Variants in GAREM2 observed in about 807,000 individuals in gnomAD.
The protein encoded by GAREM2 is GRB2-associated and regulator of MAPK protein 2.
GAREM2 carries 30 observed loss-of-function variants against 55.6 expected under a neutral mutation model. The observed-to-expected ratio is 0.54, with a 90% CI of 0.40 to 0.73. The LOEUF is 0.73. Ranked by LOEUF, GAREM2 falls within the 30% of genes least tolerant of loss-of-function variation. The pLI, the probability that GAREM2 is intolerant of heterozygous loss-of-function variation, is 0.00. For synonymous variants in GAREM2, 550 were observed against 569.1 expected, an observed-to-expected ratio of 0.97 and a Z score of 0.48; for missense variants, 1,075 against 1,257.7, an observed-to-expected ratio of 0.85 and a Z score of 2.20.
chr2:26,194,930 G>A, the GAREM2 span, among the ~76,000 whole-genome samples: 1 of 151,876 alleles, frequency 6.6e-6, no homozygotes, highest in Non-Finnish European at 1.5e-5. Flanking sequence ...CCTTGACTCA[G>A]TGGGACAGTC....
the GAREM2 span, chr2:26,194,773 G>A: frequency 1.4e-6 from 1 of 736,286 alleles, no homozygotes; most frequent in Non-Finnish European, 2.5e-6. Context: ...ATCTCAATCA[G>A]AATCCTTAAA....
chr2:26,201,349 G>A, the GAREM2 span: 1 of 1,492,814 alleles, frequency 6.7e-7, no homozygotes, highest in Non-Finnish European at 9.3e-7. Context: ...TAGTTAGATG[G>A]GAAGAAAAGG....
downstream of GAREM2, chr2:26,193,827 A>C: frequency 3.6e-6 from 5 of 1,376,432 alleles, no homozygotes; most frequent in Admixed American, 1.7e-5. Flanking sequence ...AATCCCCCCA[A>C]AGGGCTCCCT....
chr2:26,173,234 C>A lies in GAREM2; in HGVS notation c.14C>A (p.Ala5Glu). The A allele has an allele frequency of 1.5e-6, 2 of 1,322,626 alleles. No individual in the cohort carries two copies. Among genetic ancestry groups the A allele is most frequent in the Non-Finnish European group, 9.7e-7 (1 of 1,033,554 alleles). 81.9% of individuals were successfully genotyped at this position (1,322,626 alleles called of 1,614,324 possible). The change falls in exon 1 of 6, where the codon GCG becomes GAG. Residue 5 changes from alanine (A) to glutamate (E), a missense_variant. By Grantham distance (107) the Ala-to-Glu change is moderately radical. Transcript: ENST00000401533. MEKLAAGLAGLRWSM... is the reference protein window; with the variant it reads MEKLEAGLAGLRWSM... ...GGCGCCCATGCCATGGAGAAGCTGG[C>A]GGCCGGGCTGGCCGGCCTGCGCTGG...
In GAREM2 at chr2:26,185,227, G is replaced by C; in HGVS notation, c.1379G>C (p.Arg460Pro). 6.6e-7 allele frequency: 1 copy of C among 1,521,422 alleles called. No individual in the cohort carries two copies. The highest frequency in any genetic ancestry group is 8.8e-7 in the Non-Finnish European group (1 of 1,141,344). The allele number at this position is 1,521,422 out of a possible 1,614,324, so 94.2% of individuals were successfully genotyped here. A position where few individuals can be genotyped will look rare whatever the true frequency, so the allele number is the denominator to read the frequency against. The change falls in exon 4 of 6, where the codon CGT (arginine) becomes CCT (proline). Residue 460 changes from arginine to proline, a missense_variant. By Grantham distance (103) the Arg-to-Pro change is moderately radical (BLOSUM62 -2). This residue lies in a region of GAREM2 where 515 missense variants were observed against 501.5 expected (regional missense o/e 1.03). Coordinates refer to ENST00000401533, the MANE Select transcript of GAREM2 (RefSeq NM_001168241.2). The stretch of plus-strand genomic sequence containing the variant: ...TCCTTCGGGGCCGCGGGACCGCCGC[G>C]TCGGGAGCCGGAAGCGCCGCCGCCT... Reference protein sequence around the residue: ...LISFGAAGPPRREPEAPPPPV... With the variant: ...LISFGAAGPPPREPEAPPPPV...
At chr2:26,182,088 G>C in intron 2 of GAREM2, 1 of 1,067,544 alleles carries the variant, frequency 9.4e-7, no homozygotes, top group Non-Finnish European at 1.1e-6. Flanking sequence ...CCATCCATCA[G>C]ATGCCAGGGC....
chr2:26,183,116 A>G lies in GAREM2; in HGVS notation c.384+19A>G, dbSNP rs10779956. 0.79 allele frequency: 1,231,323 copies of G among 1,550,694 alleles called. 490,840 individuals are homozygous for G. The highest frequency in any genetic ancestry group is 0.95 in the African/African-American group (69,735 of 73,122). On this transcript the variant is annotated intron_variant, in intron 3 of 5. Coordinates refer to ENST00000401533, the MANE Select transcript of GAREM2 (RefSeq NM_001168241.2). ...CGTCAAGGTCAGTCACTCCCTCACC[A>G]GGTGTGGTGTCCCCACACTACTCCT...
rs889575256 is a variant in GAREM2 at position 26,184,089 on chromosome 2, C to T, written c.385-144C>T. 1.8e-5 allele frequency: 23 copies of T among 1,264,766 alleles called. No individual in the cohort carries two copies. In the Admixed American group the frequency reaches 1.9e-4, roughly 10 times the overall value. 78.3% of individuals were successfully genotyped at this position (1,264,766 alleles called of 1,614,324 possible). A position where few individuals can be genotyped will look rare whatever the true frequency, so the allele number is the denominator to read the frequency against. ...CTGCTAGTGGTCTCTCCAGGATGAACGTGGATCTCCTGGCCTACCATCTAG... is the reference window on the plus strand; with the variant it reads ...CTGCTAGTGGTCTCTCCAGGATGAATGTGGATCTCCTGGCCTACCATCTAG... On this transcript the variant is annotated intron_variant, in intron 3 of 5. Coordinates refer to ENST00000401533, the MANE Select transcript of GAREM2 (RefSeq NM_001168241.2).
chr2:26,178,133 C>T (rs1668922739), intron 2 of GAREM2, among the ~76,000 whole-genome samples: 1 of 152,194 alleles, frequency 6.6e-6, no homozygotes, highest in South Asian at 2.1e-4. Context: ...ACCCCCCAAA[C>T]CCTTAAAAGA....
At chr2:26,178,398 C>T (rs1476095154) in intron 2 of GAREM2, among the ~76,000 whole-genome samples, 2 of 101,574 alleles carry the variant, frequency 2.0e-5, no homozygotes, top group East Asian at 6.2e-4. Context: ...CAAACAAAAA[C>T]AAAAACAAAC....
At chr2:26,191,540 G>A (rs1458271689), downstream of GAREM2, 8 of 1,614,156 alleles carry the variant, frequency 5.0e-6, no homozygotes, top group Non-Finnish European at 6.8e-6. Context: ...CCCTCTGCAG[G>A]TGTGGCCAAG....
intron 2 of GAREM2, among the ~76,000 whole-genome samples, chr2:26,178,184 A>G (rs912145754): frequency 2.0e-5 from 3 of 152,236 alleles, no homozygotes; most frequent in Non-Finnish European, 2.9e-5. Context: ...CTGGGGTTCT[A>G]TCTTGGGCTT....
the GAREM2 span, among the ~76,000 whole-genome samples, chr2:26,201,541 C>T: frequency 6.6e-6 from 1 of 152,110 alleles, no homozygotes; most frequent in Non-Finnish European, 1.5e-5. Flanking sequence ...ATGTTAACTC[C>T]CAAGTACACA....
At chr2:26,182,830 C>G (rs1669096831) in intron 2 of GAREM2, 137 bp from the exon 3 acceptor site, 2 of 1,089,100 alleles carry the variant, frequency 1.8e-6, no homozygotes, top group East Asian at 5.2e-5. Flanking sequence ...CCAGTGGAAA[C>G]CTGCCCTTTG....
Position 26,184,235 on chromosome 2 carries a change from G to GGT in GAREM2, c.390_391dup (p.Ser131CysfsTer90). 6.5e-7 allele frequency: 1 copy of GGT among 1,549,804 alleles called. No individual in the cohort carries two copies. Among genetic ancestry groups the GGT allele is most frequent in the Non-Finnish European group, 8.7e-7 (1 of 1,145,958 alleles). ...TGCCCTGTCTCTGGGATCCCCAGGT[G>GGT]GTGTCGGGCGAGTTCAGCGAGGACA... On this transcript the variant is annotated frameshift_variant, in exon 4 of 6. Coordinates refer to ENST00000401533, the MANE Select transcript of GAREM2 (RefSeq NM_001168241.2). LOFTEE classifies it high-confidence loss of function.
Position 26,188,095 on chromosome 2 carries a change from C to A in GAREM2, c.2463C>A (p.Ile821=), listed in dbSNP as rs1358391071. The A allele has an allele frequency of 1.3e-6, 2 of 1,550,308 alleles. No individual in the cohort carries two copies. Among genetic ancestry groups the A allele is most frequent in the Non-Finnish European group, 1.7e-6 (2 of 1,146,248 alleles). ...AGGTCTCTCGCAGTCTGCGTTTCAT[C>A]GGGCTCTCAGAGGATGTGGTGAGCT... The part of the protein sequence containing the change: ...LEEVSRSLRF[I]GLSEDVVSFF... Residue 821 remains isoleucine (I), a synonymous_variant, in exon 6 of 6, where the codon ATC becomes ATA. Coordinates refer to ENST00000401533, the MANE Select transcript of GAREM2 (RefSeq NM_001168241.2).
the GAREM2 span, chr2:26,204,077 T>G: frequency 6.2e-7 from 1 of 1,614,062 alleles, no homozygotes; most frequent in Admixed American, 1.7e-5. Flanking sequence ...GAACACTTGT[T>G]GCTGTCCTCG....
downstream of GAREM2, among the ~76,000 whole-genome samples, chr2:26,193,230 G>T (rs1416444412): frequency 6.6e-6 from 1 of 151,612 alleles, no homozygotes; most frequent in African/African-American, 2.4e-5. Flanking sequence ...AGCCCCAGAA[G>T]GGTAGAACTC....
chr2:26,185,303 C>T (rs1669212328), intron 4 of GAREM2, 27 bp downstream of exon 4: 4 of 1,486,040 alleles, frequency 2.7e-6, no homozygotes, highest in Non-Finnish European at 3.6e-6. Context: ...GGGGCCGAGT[C>T]CCGGGTCCAG....
Sources: allele counts gnomAD v4.1 joint callset (sites outside exome capture counted in the v4.1 genomes callset), GRCh38; gene constraint gnomAD v4.1.1; regional missense constraint gnomAD v4.1.1; transcripts MANE v1.5; gene names NCBI Gene and HGNC (gene_info 2026-07-23, HGNC 2026-07-21).